Variants in CYP19A1 observed in about 807,000 individuals in gnomAD.
The protein encoded by CYP19A1 is aromatase.
In CYP19A1, 32 loss-of-function variants were observed where a neutral mutation model predicts 44.4. The ratio of observed to expected loss-of-function variants is 0.72; its 90% CI spans 0.54 to 0.97. The LOEUF is 0.97. Ranked by LOEUF, CYP19A1 falls within the 50% of genes least tolerant of loss-of-function variation. The pLI is 0.00. For synonymous variants in CYP19A1, 212 were observed against 215.6 expected (o/e 0.98, Z 0.14); for missense variants, 598 against 637.8 (o/e 0.94, Z 0.67).
chr15:51,253,108 A>C (rs2141146638), intron 1 of CYP19A1, among the ~76,000 whole-genome samples: 1 of 152,296 alleles, frequency 6.6e-6, no homozygotes, highest in African/African-American at 2.4e-5. Flanking sequence ...ACCCTCTATC[A>C]CTATGTCCAC....
intron 1 of CYP19A1, among the ~76,000 whole-genome samples, chr15:51,306,497 G>A (rs936336712): frequency 6.6e-6 from 1 of 151,760 alleles, no homozygotes. Context: ...GAAATAATTG[G>A]AAGTTATGTA....
intron 1 of CYP19A1, among the ~76,000 whole-genome samples, chr15:51,292,816 C>G (rs2035878521): frequency 7.0e-6 from 1 of 143,482 alleles, no homozygotes; most frequent in African/African-American, 2.6e-5. Flanking sequence ...CAGAAAGTAG[C>G]TTTTTTTTTT....
intron 2 of CYP19A1, among the ~76,000 whole-genome samples, chr15:51,240,624 C>G (rs1432295497): frequency 6.6e-6 from 1 of 152,108 alleles, no homozygotes; most frequent in Non-Finnish European, 1.5e-5. Flanking sequence ...CTTCCCTCCC[C>G]CAACCAGAAA....
intron 9 of CYP19A1, 123 bp downstream of exon 9, chr15:51,212,197 A>G: frequency 1.3e-6 from 1 of 795,556 alleles, no homozygotes; most frequent in Admixed American, 1.7e-5. Context: ...GCTCCTGGTG[A>G]GGTGGCAGAG....
At chr15:51,280,677 G>C (rs2035488433) in intron 1 of CYP19A1, among the ~76,000 whole-genome samples, 1 of 152,218 alleles carries the variant, frequency 6.6e-6, no homozygotes, top group Non-Finnish European at 1.5e-5. Context: ...ACTCAGTGTG[G>C]TGTGGTGAAG....
intron 1 of CYP19A1, among the ~76,000 whole-genome samples, chr15:51,268,807 T>C (rs2035022560): frequency 6.6e-6 from 1 of 152,220 alleles, no homozygotes; most frequent in Non-Finnish European, 1.5e-5. Context: ...TTCCTGATTA[T>C]TAATAATTTT....
chr15:51,219,034 G>C (rs1234962574), intron 5 of CYP19A1, among the ~76,000 whole-genome samples: 1 of 152,218 alleles, frequency 6.6e-6, no homozygotes, highest in African/African-American at 2.4e-5. Context: ...TGGTACCTGG[G>C]AGTGTAAAAA....
rs2031794614 is a variant in CYP19A1, at chr15:51,218,592, G to C, written c.692C>G (p.Pro231Arg). Reference protein sequence around the residue: ...FDAWQALLIKPDIFFKISWLY... With the variant: ...FDAWQALLIKRDIFFKISWLY... ...CCAAGAAATCTTAAAGAAGATGTCT[G>C]GTTTGATGAGGAGAGCTTGCCATGC... The change falls in exon 6 of 10, where the codon CCA becomes CGA. Residue 231 changes from proline (P) to arginine (R), a missense_variant. Coordinates refer to ENST00000396402, the MANE Select transcript of CYP19A1 (RefSeq NM_000103.4). The C allele has an allele frequency of 6.2e-7, 1 of 1,613,774 alleles. No homozygotes were observed. The highest frequency in any genetic ancestry group is 8.5e-7 in the Non-Finnish European group (1 of 1,179,868).
chr15:51,239,694 T>TGAGA (rs145763918), intron 2 of CYP19A1, among the ~76,000 whole-genome samples: 1 of 146,668 alleles, frequency 6.8e-6, no homozygotes, highest in Admixed American at 6.7e-5. Flanking sequence ...TGCTCTGGAG[T>TGAGA]GAGAGAGAGA....
chr15:51,220,121 G>A (rs1028962459), intron 5 of CYP19A1, among the ~76,000 whole-genome samples: 5 of 152,186 alleles, frequency 3.3e-5, no homozygotes, highest in African/African-American at 1.2e-4. Flanking sequence ...TTAAAAGTAC[G>A]CATTGTTCCT....
intron 1 of CYP19A1, among the ~76,000 whole-genome samples, chr15:51,292,364 T>C (rs1369234446): frequency 6.6e-6 from 1 of 152,218 alleles, no homozygotes; most frequent in African/African-American, 2.4e-5. Context: ...TGCAGAATAA[T>C]TTATTTCAAC....
chr15:51,301,696 C>T (rs1319882020), intron 1 of CYP19A1, among the ~76,000 whole-genome samples: 1 of 152,140 alleles, frequency 6.6e-6, no homozygotes, highest in Admixed American at 6.5e-5. Context: ...TCTATTTTAT[C>T]AAATATCACT....
At position 51,244,106 on chromosome 15, in the gene CYP19A1, G is replaced by A. The variant is rs192855618; in HGVS notation, c.-38-1156C>T. 7.1e-4 allele frequency among the ~76,000 whole-genome samples: 108 copies of A among 152,314 alleles called. 1 individual carries two copies. Among genetic ancestry groups the A allele is most frequent in the African/African-American group, 2.5e-3 (105 of 41,566 alleles). ...CCTGTAATAAAATTCTAGATTCACA[G>A]CCAGGGCTTCTAACTGGATATTGGG... is the stretch of plus-strand genomic sequence containing the variant. On this transcript the variant is annotated intron_variant, in intron 1 of 9. Transcript: ENST00000396402.
At chr15:51,233,449 C>T (rs2033175622) in intron 3 of CYP19A1, among the ~76,000 whole-genome samples, 1 of 152,172 alleles carries the variant, frequency 6.6e-6, no homozygotes, top group African/African-American at 2.4e-5. Context: ...GCTGTATTCC[C>T]AGAGTTTAGA....
Position 51,210,866 on chromosome 15 carries a change from T to C in CYP19A1, c.1454A>G (p.Lys485Arg), listed in dbSNP as rs1288136633. The C allele has an allele frequency of 6.3e-7, 1 of 1,594,610 alleles. No individual in the cohort carries two copies. The highest frequency in any genetic ancestry group is 8.6e-7 in the Non-Finnish European group (1 of 1,162,288). The part of the protein sequence containing the change: ...HDLSLHPDET[K>R]NMLEMIFTPR... ...GGTAAAGATCATTTCCAGCATGTTT[T>C]TAGTCTCATCTGGGTGCAAGGACAA... Residue 485 changes from lysine (K) to arginine (R), a missense_variant, in exon 10 of 10, where the codon AAA becomes AGA. Physicochemically the swap from Lys to Arg is conservative, Grantham distance 26 (BLOSUM62 2). Transcript: ENST00000396402.
At chr15:51,249,166 C>A (rs1375239458) in intron 1 of CYP19A1, among the ~76,000 whole-genome samples, 1 of 152,136 alleles carries the variant, frequency 6.6e-6, no homozygotes. Flanking sequence ...GTCTCGAACT[C>A]CTGACCTCAG....
Position 51,222,360 on chromosome 15 carries a change from A to T in CYP19A1, c.617T>A (p.Ile206Asn). The T allele has an allele frequency of 1.9e-6, 3 of 1,614,118 alleles. No individual in the cohort carries two copies. Among genetic ancestry groups the T allele is most frequent in the Non-Finnish European group, 2.5e-6 (3 of 1,180,014 alleles). Reference protein sequence around the residue: ...LDTSNTLFLRIPLDESAIVVK... With the variant: ...LDTSNTLFLRNPLDESAIVVK... Reference sequence around the variant, plus strand: ...GAAAATTTCAGTACCGTCCAAAGGGATCCTCAAGAAGAGCGTGTTAGAGGT... The same window carrying T: ...GAAAATTTCAGTACCGTCCAAAGGGTTCCTCAAGAAGAGCGTGTTAGAGGT... The change falls in exon 5 of 10, where the codon ATC (isoleucine) becomes AAC (asparagine). Residue 206 changes from isoleucine to asparagine, a missense_variant. Transcript: ENST00000396402.
chr15:51,329,953 C>T (rs1200389814), intron 1 of CYP19A1, among the ~76,000 whole-genome samples: 1 of 152,154 alleles, frequency 6.6e-6, no homozygotes, highest in East Asian at 1.9e-4. Context: ...AGCAGCTAGC[C>T]CTCCCTGGGA....
At chr15:51,267,499 C>A (rs1487730909) in intron 1 of CYP19A1, among the ~76,000 whole-genome samples, 1 of 152,178 alleles carries the variant, frequency 6.6e-6, no homozygotes, top group Non-Finnish European at 1.5e-5. Context: ...AGCGTGGCGG[C>A]GAGGTCCCTT....
Sources: allele counts gnomAD v4.1 joint callset (sites outside exome capture counted in the v4.1 genomes callset), GRCh38; gene constraint gnomAD v4.1.1; transcripts MANE v1.5; gene names NCBI Gene and HGNC (gene_info 2026-07-23, HGNC 2026-07-21).